IFT46: variants seen among roughly 807,000 people sequenced by gnomAD.
The protein encoded by IFT46 is intraflagellar transport 46.
IFT46 carries 19 observed loss-of-function variants against 39.6 expected under a neutral mutation model. The observed-to-expected ratio is 0.48, with a 90% CI of 0.33 to 0.70. IFT46 has a LOEUF of 0.70. Among genes scored for constraint, IFT46 ranks in the 30% least tolerant of loss-of-function variants. The probability of loss-of-function intolerance (pLI) is 0.01; values close to 1 mark genes in which losing one functional copy is unlikely to be tolerated. For synonymous variants in IFT46, 117 were observed against 134.8 expected, an observed-to-expected ratio of 0.87 and a Z score of 0.91; for missense variants, 334 against 364.8, an observed-to-expected ratio of 0.92 and a Z score of 0.69.
At chr11:118,573,316 T>C (rs537259798), upstream of IFT46, among the ~76,000 whole-genome samples, 1 of 152,306 alleles carries the variant, frequency 6.6e-6, no homozygotes, top group East Asian at 1.9e-4. Flanking sequence ...GTCAGATGTC[T>C]CACAGGAGGT....
chr11:118,551,710 G>A, intron 9 of IFT46, 76 bp downstream of exon 9: 1 of 1,006,336 alleles, frequency 9.9e-7, no homozygotes, highest in Non-Finnish European at 1.5e-6. Flanking sequence ...AATAATAATG[G>A]AGGAAGAGAA....
chr11:118,547,687 G>C (rs1951719018), intron 9 of IFT46, among the ~76,000 whole-genome samples: 1 of 151,132 alleles, frequency 6.6e-6, no homozygotes, highest in African/African-American at 2.4e-5. Flanking sequence ...CTCCCAAAGT[G>C]CTGGGATTAC....
intron 2 of IFT46, 75 bp downstream of exon 2, chr11:118,564,890 A>G (rs1938174865): frequency 1.3e-5 from 2 of 152,578 alleles, no homozygotes; most frequent in Non-Finnish European, 2.9e-5. Flanking sequence ...TGCTATTATA[A>G]AATAAGAACT....
Position 118,559,862 on chromosome 11 carries a change from G to T in IFT46, c.-33C>A, listed in dbSNP as rs1217991316. The T allele has an allele frequency of 3.1e-6, 5 of 1,591,048 alleles. No homozygotes were observed. Among genetic ancestry groups the T allele is most frequent in the East Asian group, 2.2e-5 (1 of 44,750 alleles). On this transcript the variant is annotated splice_region_variant and 5_prime_UTR_variant, in exon 3 of 12. Transcript: ENST00000264021. The stretch of plus-strand genomic sequence containing the variant: ...TTAGGAAGATGGGCAGAACGAGGAA[G>T]TCCTTAGAAAAAAAGTTTTTCCTTT...
chr11:118,572,353 C>CCCCCCCCCCCCCCCCCCCCCCCCCCCT, intron 1 of IFT46: 1 of 140,910 alleles, frequency 7.1e-6, no homozygotes, highest in South Asian at 2.5e-4. Flanking sequence ...GCCCCGCCCC[C>CCCCCCCCCCCCCCCCCCCCCCCCCCCT]CCCCCCGCCC....
At chr11:118,557,264 C>T (rs1555069715) in intron 3 of IFT46, 1 of 448,464 alleles carries the variant, frequency 2.2e-6, no homozygotes, top group East Asian at 3.4e-5. Context: ...CATTTCTCTA[C>T]TTGAGGCTGG....
At chr11:118,556,045 CAG>C (rs1286927575) in intron 4 of IFT46, among the ~76,000 whole-genome samples, 2 of 151,980 alleles carry the variant, frequency 1.3e-5, no homozygotes, top group African/African-American at 2.4e-5. Context: ...ATTTTTGAGA[CAG>C]GGTCTCACTC....
In IFT46 at chr11:118,564,482, G is replaced by A. The variant is rs115461651; in HGVS notation, c.-36+483C>T. ...TCCCAGCACTTTGGGAGGCCAAAGC[G>A]GAAGGACTGCTTGAGGCTAGGAGTT... On this transcript the variant is annotated intron_variant, in intron 2 of 11. Transcript: ENST00000264021. Among the ~76,000 whole-genome samples the A allele has an allele frequency of 4.6e-3, 705 of 152,232 alleles. 5 individuals carry two copies. Among genetic ancestry groups the A allele is most frequent in the African/African-American group, 0.016 (669 of 41,534 alleles).
intron 4 of IFT46, 60 bp from the exon 5 acceptor site, chr11:118,555,382 C>G: frequency 1.6e-6 from 2 of 1,288,540 alleles, no homozygotes; most frequent in Admixed American, 1.7e-5. Context: ...TGGCAGGGTC[C>G]TAGGTGCTGG....
At chr11:118,573,076 GAC>G, upstream of IFT46, 1 of 159,822 alleles carries the variant, frequency 6.3e-6, no homozygotes, top group Non-Finnish European at 1.4e-5. Flanking sequence ...GGGAAATGGA[GAC>G]ACAGAGCGGA....
At chr11:118,556,274 G>C (rs930494875) in intron 4 of IFT46, among the ~76,000 whole-genome samples, 11 of 152,122 alleles carry the variant, frequency 7.2e-5, no homozygotes, top group Admixed American at 3.9e-4. Context: ...AGCGGATCAC[G>C]AGGTCAGGAG....
intron 1 of IFT46, among the ~76,000 whole-genome samples, chr11:118,572,026 G>T (rs1331348923): frequency 6.6e-6 from 1 of 150,596 alleles, no homozygotes; most frequent in East Asian, 2.0e-4. Context: ...GGAAGTGGAG[G>T]TTGCAGTGAG....
chr11:118,549,062 A>AT (rs1350042233), intron 9 of IFT46, among the ~76,000 whole-genome samples: 5 of 151,400 alleles, frequency 3.3e-5, no homozygotes, highest in Admixed American at 3.3e-4. Context: ...ACACCCAGCT[A>AT]TTTTTTTAAT....
Position 118,544,559 on chromosome 11 carries a change from TTTAC to T in IFT46, c.*353_*356del. The T allele has an allele frequency of 4.4e-6, 1 of 226,296 alleles. No individual in the cohort carries two copies. Among genetic ancestry groups the T allele is most frequent in the Non-Finnish European group, 8.7e-6 (1 of 114,788 alleles). The allele number at this position is 226,296 out of a possible 1,614,324, so 14.0% of individuals were successfully genotyped here. A position where few individuals can be genotyped will look rare whatever the true frequency, so the allele number is the denominator to read the frequency against. On this transcript the variant is annotated 3_prime_UTR_variant, in exon 12 of 12. Transcript: ENST00000264021. ...AATAGAGCATTTGATTTATAAAATCTTTACTCACTAACTTTACGAATGAAAGAAA... is the reference window on the plus strand; with the variant it reads ...AATAGAGCATTTGATTTATAAAATCTTCACTAACTTTACGAATGAAAGAAA...
rs1335505159 is a variant in IFT46 at position 118,557,945 on chromosome 11, T to G, written c.46-900A>C. 52 of 1,463,990 alleles carry G rather than the reference T, an allele frequency of 3.6e-5. No individual in the cohort carries two copies. In the Admixed American group the frequency reaches 1.2e-3, roughly 33 times the overall value. The allele number at this position is 1,463,990 out of a possible 1,614,324, so 90.7% of individuals were successfully genotyped here. A position where few individuals can be genotyped will look rare whatever the true frequency, so the allele number is the denominator to read the frequency against. The stretch of plus-strand genomic sequence containing the variant: ...AAGTAGGTTTTCAAAACTTGGTTTC[T>G]ATATACCGTATGGCTTATACTGAGG... On this transcript the variant is annotated intron_variant, in intron 3 of 11. Transcript: ENST00000264021.
intron 9 of IFT46, among the ~76,000 whole-genome samples, chr11:118,551,354 CAG>C (rs1327780074): frequency 6.7e-6 from 1 of 148,306 alleles, no homozygotes; most frequent in Non-Finnish European, 1.5e-5. Context: ...GCCTGGGCGA[CAG>C]AGAGAGACTC....
intron 11 of IFT46, 34 bp downstream of exon 11, chr11:118,545,375 T>C: frequency 1.4e-6 from 2 of 1,461,894 alleles, no homozygotes; most frequent in Non-Finnish European, 1.9e-6. Context: ...TGATCCTCTC[T>C]ACAGCTTAAG....
intron 9 of IFT46, among the ~76,000 whole-genome samples, chr11:118,548,420 A>G (rs1198217665): frequency 2.7e-5 from 4 of 145,554 alleles, no homozygotes; most frequent in Admixed American, 2.1e-4. Flanking sequence ...GCTGGAATAC[A>G]GTGGCGCGAT....
chr11:118,545,622 C>G (rs1310853730), intron 10 of IFT46, 128 bp from the exon 11 acceptor site: 1 of 1,048,276 alleles, frequency 9.5e-7, no homozygotes, highest in East Asian at 2.4e-5. Flanking sequence ...AAATACCCAG[C>G]AGGTAGTCAC....
Sources: allele counts gnomAD v4.1 joint callset (sites outside exome capture counted in the v4.1 genomes callset), GRCh38; gene constraint gnomAD v4.1.1; transcripts MANE v1.5; gene names NCBI Gene and HGNC (gene_info 2026-07-23, HGNC 2026-07-21).